NFASC: variants seen among roughly 807,000 people sequenced by gnomAD.
NFASC encodes neurofascin.
NFASC carries 43 observed loss-of-function variants against 147.5 expected under a neutral mutation model. The ratio of observed to expected loss-of-function variants is 0.29; its 90% CI spans 0.23 to 0.38. The LOEUF (loss-of-function observed/expected upper bound fraction) is 0.38, where lower values mean the gene tolerates loss of function less well. Among genes scored for constraint, NFASC ranks in the 10% least tolerant of loss-of-function variants. The pLI is 1.00. For missense variants in NFASC, 1,320 were observed against 1,689.0 expected (o/e 0.78, Z 3.83); for synonymous variants, 622 against 665.5 (o/e 0.93, Z 1.01).
chr1:204,875,264 T>C (rs2078547332), intron 1 of NFASC, among the ~76,000 whole-genome samples: 1 of 152,150 alleles, frequency 6.6e-6, no homozygotes, highest in Admixed American at 6.5e-5. Context: ...TCCCCATCCC[T>C]TGGCTATGGG....
Position 204,968,018 on chromosome 1 carries a change from C to A in NFASC, c.707-231C>A. The stretch of plus-strand genomic sequence containing the variant: ...GAACCTGAGGGAAGCTGGGCTCCTC[C>A]AGGCAGATCCTTTCAGAACCTAGAG... On this transcript the variant is annotated intron_variant, in intron 8 of 29. Coordinates refer to ENST00000339876, the MANE Select transcript of NFASC (RefSeq NM_001005388.3). The surrounding 1 kb of genome is among the most constrained non-coding windows in gnomAD (Gnocchi z 5.4). The A allele has an allele frequency of 2.1e-6, 1 of 467,814 alleles. No individual in the cohort carries two copies. Among genetic ancestry groups the A allele is most frequent in the Non-Finnish European group, 3.9e-6 (1 of 257,618 alleles). The allele number at this position is 467,814 out of a possible 1,614,324, so 29.0% of individuals were successfully genotyped here. A position where few individuals can be genotyped will look rare whatever the true frequency, so the allele number is the denominator to read the frequency against.
intron 2 of NFASC, among the ~76,000 whole-genome samples, chr1:204,923,109 C>G (rs922846670): frequency 6.6e-6 from 1 of 152,228 alleles, no homozygotes; most frequent in African/African-American, 2.4e-5. Flanking sequence ...TGTGTGGCAA[C>G]CATTTGGGTT....
intron 4 of NFASC, 44 bp from the exon 5 acceptor site, chr1:204,951,967 G>T (rs747740977): frequency 5.2e-6 from 8 of 1,526,712 alleles, no homozygotes; most frequent in Admixed American, 5.1e-5. Context: ...GGACCCCAGG[G>T]AGGTCCCTGC....
At chr1:204,941,613 C>T (rs1457769330) in intron 2 of NFASC, among the ~76,000 whole-genome samples, 1 of 152,184 alleles carries the variant, frequency 6.6e-6, no homozygotes, top group Non-Finnish European at 1.5e-5. Flanking sequence ...ACTAAGGGTT[C>T]AGTTGCCTGA....
At position 204,988,614 on chromosome 1, in the gene NFASC, C is replaced by T. The variant is rs1191249290; in HGVS notation, c.2594-19C>T. ...TAAATGTTGCTAAAGTTTAATTCCACTTACCTCTCTCTCCCCAGTTAACGG... is the reference window on the plus strand; with the variant it reads ...TAAATGTTGCTAAAGTTTAATTCCATTTACCTCTCTCTCCCCAGTTAACGG... On this transcript the variant is annotated intron_variant, in intron 22 of 29. Transcript: ENST00000339876. The T allele has an allele frequency of 1.9e-6, 3 of 1,611,812 alleles. No individual in the cohort carries two copies. Among genetic ancestry groups the T allele is most frequent in the African/African-American group, 1.3e-5 (1 of 74,884 alleles).
rs529302985 is a variant in NFASC, at chr1:204,919,382, A to G, written c.-199-1250A>G. Among the ~76,000 whole-genome samples, 265 of 152,220 alleles carry G rather than the reference A, an allele frequency of 1.7e-3. 1 individual carries two copies. Among genetic ancestry groups the G allele is most frequent in the Non-Finnish European group, 2.7e-3 (186 of 68,024 alleles). ...CATCATTTTATTGTCTTTTTTAAAA[A>G]TACAAGCAAATGCATATATATTTTT... On this transcript the variant is annotated intron_variant, in intron 1 of 29. Transcript: ENST00000339876.
intron 2 of NFASC, among the ~76,000 whole-genome samples, chr1:204,930,034 G>A (rs2092207729): frequency 6.6e-6 from 1 of 152,184 alleles, no homozygotes. Context: ...CCTCAGTCAT[G>A]CCTAGCCGAT....
At position 204,897,791 on chromosome 1, in the gene NFASC, A is replaced by C. The variant is rs542820343; in HGVS notation, c.-199-22841A>C. On this transcript the variant is annotated intron_variant, in intron 1 of 29. Transcript: ENST00000339876. Reference sequence around the variant, plus strand: ...TGCTCTGTCACCCAGGCTGGAGTGCAGTGATATGGTCTCACCTCACTGCAA... The same window carrying C: ...TGCTCTGTCACCCAGGCTGGAGTGCCGTGATATGGTCTCACCTCACTGCAA... Among the ~76,000 whole-genome samples, 380 of 151,998 alleles carry C rather than the reference A, an allele frequency of 2.5e-3. 2 individuals are homozygous for C. The highest frequency in any genetic ancestry group is 8.5e-3 in the African/African-American group (353 of 41,450).
Position 205,001,151 on chromosome 1 carries a change from T to C in NFASC, c.3020-19T>C. On this transcript the variant is annotated intron_variant, in intron 25 of 29. Transcript: ENST00000339876. ...CACTCCCTCCTCATCACTAACCCCTTTTCTAACCCGTCCACCAGCCCCTGA... is the reference window on the plus strand; with the variant it reads ...CACTCCCTCCTCATCACTAACCCCTCTTCTAACCCGTCCACCAGCCCCTGA... 6.6e-7 allele frequency: 1 copy of C among 1,506,796 alleles called. No homozygotes were observed. The highest frequency in any genetic ancestry group is 9.1e-7 in the Non-Finnish European group (1 of 1,093,392). The allele number at this position is 1,506,796 out of a possible 1,614,324, so 93.3% of individuals were successfully genotyped here. A position where few individuals can be genotyped will look rare whatever the true frequency, so the allele number is the denominator to read the frequency against.
Position 204,988,728 on chromosome 1 carries a change from C to T in NFASC, c.2689C>T (p.Arg897Cys), listed in dbSNP as rs1309632528. ...AAGAACGGACCCCGTGTCACGCTAC[C>T]GCTTTACCCTCAGCGCCAGGACGCA... is the stretch of plus-strand genomic sequence containing the variant. ...VQRTDPVSRYRFTLSARTQVG... is the reference protein window; with the variant it reads ...VQRTDPVSRYCFTLSARTQVG... Residue 897 changes from arginine to cysteine, a missense_variant, in exon 23 of 30, where the codon CGC (arginine) becomes TGC (cysteine). Arg to Cys is a radical substitution (Grantham distance 180). Transcript: ENST00000339876. 1.2e-6 allele frequency: 2 copies of T among 1,614,194 alleles called. No homozygotes were observed. The highest frequency in any genetic ancestry group is 1.1e-5 in the South Asian group (1 of 91,086).
rs1461041227 is a variant in NFASC, at chr1:205,009,198, GC to G, written c.3290-357del. On this transcript the variant is annotated intron_variant, in intron 27 of 29. Coordinates refer to ENST00000339876, the MANE Select transcript of NFASC (RefSeq NM_001005388.3). ...ATCCATGGGGAATCATACTTCCATG[GC>G]CAATCCGTGGCCATCCCTCAGTCCC... The G allele has an allele frequency of 5.8e-5, 22 of 381,182 alleles. No individual in the cohort carries two copies. The East Asian group carries it at 1.1e-3, about 19-fold the overall frequency. The allele number at this position is 381,182 out of a possible 1,614,324, so 23.6% of individuals were successfully genotyped here.
Position 204,952,068 on chromosome 1 carries a change from G to A in NFASC, c.167G>A (p.Arg56His), listed in dbSNP as rs747820571. 4 of 1,614,032 alleles carry A rather than the reference G, an allele frequency of 2.5e-6. No homozygotes were observed. The highest frequency in any genetic ancestry group is 2.7e-5 in the African/African-American group (2 of 74,920). ...GCGAAGGATCACATCGTGGACCCCC[G>A]TGATAACATCCTGATTGAGTGTGAA... ...QSAKDHIVDP[R>H]DNILIECEAK... Residue 56 changes from arginine (R) to histidine (H), a missense_variant, in exon 5 of 30, where the codon CGT (arginine) becomes CAT (histidine). This residue lies in a region of NFASC where 981 missense variants were observed against 1,289.5 expected (regional missense o/e 0.76). Coordinates refer to ENST00000339876, the MANE Select transcript of NFASC (RefSeq NM_001005388.3).
At chr1:204,974,990 A>G (rs1340332475) in intron 14 of NFASC, among the ~76,000 whole-genome samples, 167 bp downstream of exon 14, 2 of 152,180 alleles carry the variant, frequency 1.3e-5, no homozygotes, top group East Asian at 3.9e-4. Context: ...GTGTGGTCCA[A>G]AGAGAATTAG....
At chr1:204,831,795 G>A (rs531688283) in intron 1 of NFASC, among the ~76,000 whole-genome samples, 26 of 152,234 alleles carry the variant, frequency 1.7e-4, no homozygotes, top group African/African-American at 5.5e-4. Flanking sequence ...TAAGCCCTAC[G>A]GTGTGCTGCT....
chr1:204,967,958 AGCCCC>A, intron 8 of NFASC: 1 of 272,180 alleles, frequency 3.7e-6, no homozygotes, highest in Admixed American at 5.2e-5. Context: ...CTGCTCAGAC[AGCCCC>A]TCCCCGTTCC....
chr1:204,874,837 G>A (rs779918245), intron 1 of NFASC, among the ~76,000 whole-genome samples: 5 of 152,134 alleles, frequency 3.3e-5, no homozygotes, highest in Non-Finnish European at 7.4e-5. Flanking sequence ...CCACTTTGCT[G>A]TAGACTGAAT....
At chr1:204,894,299 T>G (rs1412068591) in intron 1 of NFASC, among the ~76,000 whole-genome samples, 1 of 152,250 alleles carries the variant, frequency 6.6e-6, no homozygotes, top group East Asian at 1.9e-4. Context: ...CATGCTTGGC[T>G]TAGCCAAATC....
Position 204,986,257 on chromosome 1 carries a change from G to C in NFASC, c.2471-1161G>C. The stretch of plus-strand genomic sequence containing the variant: ...TCCAGGAGCGGATGACCTGCAAGCC[G>C]AGCCACTACAGCCATTCCCAGACCA... On this transcript the variant is annotated intron_variant, in intron 21 of 29. Coordinates refer to ENST00000339876, the MANE Select transcript of NFASC (RefSeq NM_001005388.3). This position sits in a 1 kb window ranked among gnomAD's most constrained non-coding sequence, Gnocchi z 4.2. 3.1e-6 allele frequency: 2 copies of C among 648,806 alleles called. No individual in the cohort carries two copies. Among genetic ancestry groups the C allele is most frequent in the Non-Finnish European group, 5.5e-6 (2 of 361,512 alleles). The allele number at this position is 648,806 out of a possible 1,614,324, so 40.2% of individuals were successfully genotyped here. A position where few individuals can be genotyped will look rare whatever the true frequency, so the allele number is the denominator to read the frequency against.
chr1:204,971,787 G>A (rs530314515), intron 11 of NFASC, among the ~76,000 whole-genome samples: 2 of 152,264 alleles, frequency 1.3e-5, no homozygotes, highest in South Asian at 2.1e-4. Flanking sequence ...CCCAGTAAAT[G>A]TTACTCCCCA....
Sources: allele counts gnomAD v4.1 joint callset (sites outside exome capture counted in the v4.1 genomes callset), GRCh38; gene constraint gnomAD v4.1.1; regional missense constraint gnomAD v4.1.1; non-coding constraint Gnocchi (gnomAD v3.1); transcripts MANE v1.5; gene names NCBI Gene and HGNC (gene_info 2026-07-23, HGNC 2026-07-21).